Variants in SET observed in about 807,000 individuals in gnomAD.
The protein encoded by SET is SET nuclear proto-oncogene.
In SET, 4 loss-of-function variants were observed where a neutral mutation model predicts 39.0. That is an observed-to-expected ratio of 0.10 (90% confidence interval 0.05 to 0.23). The LOEUF (loss-of-function observed/expected upper bound fraction) is 0.23. Ranked by LOEUF, SET falls within the 10% of genes least tolerant of loss-of-function variation. SET has a pLI of 1.00. For missense variants in SET, 137 were observed against 329.7 expected, an observed-to-expected ratio of 0.42 and a Z score of 4.53; for synonymous variants, 114 against 115.9, an observed-to-expected ratio of 0.98 and a Z score of 0.11.
rs66941404 is a variant in SET at position 128,694,239 on chromosome 9, GTTT to G, written c.810+204_810+206del. Among the ~76,000 whole-genome samples, 7 of 146,944 alleles carry G rather than the reference GTTT, an allele frequency of 4.8e-5. No homozygotes were observed. The South Asian group carries it at 6.4e-4, about 13-fold the overall frequency. On this transcript the variant is annotated intron_variant, in intron 7 of 7. Transcript: ENST00000322030. ...CTAATGTTTAACTAGGTTTTTTTTG[GTTT>G]TTTTTTGGGTTTTTTTGGTTAGACT...
rs1861593219 is a variant in SET at position 128,692,710 on chromosome 9, C to T, written c.323C>T (p.Thr108Ile). The change falls in exon 4 of 8, where the codon ACC (threonine) becomes ATC (isoleucine). Residue 108 changes from threonine (T) to isoleucine (I), a missense_variant. Around this residue, in one of 3 missense-constraint regions of SET, gnomAD observed 59 missense variants for 237.2 expected, o/e 0.25. Coordinates refer to ENST00000322030, the MANE Select transcript of SET (RefSeq NM_003011.4). Reference sequence around the variant, plus strand: ...GATGAAGAGGCACTGCATTATTTGACCAGAGTTGAAGTGACAGAATTTGAA... The same window carrying T: ...GATGAAGAGGCACTGCATTATTTGATCAGAGTTGAAGTGACAGAATTTGAA... Reference protein sequence around the residue: ...EEDEEALHYLTRVEVTEFEDI... With the variant: ...EEDEEALHYLIRVEVTEFEDI... 1 of 1,612,256 alleles carries T rather than the reference C, an allele frequency of 6.2e-7. No individual in the cohort carries two copies. The highest frequency in any genetic ancestry group is 1.7e-5 in the Admixed American group (1 of 59,978).
At chr9:128,691,811 A>G in intron 2 of SET, 47 bp from the exon 3 acceptor site, 1 of 1,551,652 alleles carries the variant, frequency 6.4e-7, no homozygotes, top group Non-Finnish European at 8.7e-7. Flanking sequence ...CAATTTTTTA[A>G]TTTGTTAAAT....
At chr9:128,688,917 G>A (rs1861381219), upstream of SET, among the ~76,000 whole-genome samples, 1 of 151,922 alleles carries the variant, frequency 6.6e-6, no homozygotes, top group Non-Finnish European at 1.5e-5. Context: ...GAAGCCGCTC[G>A]CTCACCACGT....
Position 128,689,627 on chromosome 9 carries a change from C to T in SET, c.45C>T (p.Ser15=). 5 of 1,358,286 alleles carry T rather than the reference C, an allele frequency of 3.7e-6. No individual in the cohort carries two copies. Among genetic ancestry groups the T allele is most frequent in the Non-Finnish European group, 4.8e-6 (5 of 1,033,594 alleles). 84.1% of individuals were successfully genotyped at this position (1,358,286 alleles called of 1,614,324 possible). ...AAKVSKKELN[S]NHDGADETSE... ...AAGTCAGTAAAAAGGAGCTCAACTC[C>T]AACCACGACGGGGCCGACGAGACCT... Residue 15 remains serine, a synonymous_variant, in exon 1 of 8, where the codon TCC becomes TCT. Coordinates refer to ENST00000322030, the MANE Select transcript of SET (RefSeq NM_003011.4).
In SET at chr9:128,689,390, T is replaced by C. The variant is rs1861411693; in HGVS notation, c.-193T>C. The C allele has an allele frequency of 1.1e-6, 1 of 905,632 alleles. No homozygotes were observed. 56.1% of individuals were successfully genotyped at this position (905,632 alleles called of 1,614,324 possible). ...GGGCCCGGCACGCCGCCCCAGCCCG[T>C]CCCTCGGCGTCAGGCCGCGAGGGTA... On this transcript the variant is annotated 5_prime_UTR_variant, in exon 1 of 8. Transcript: ENST00000322030.
At position 128,696,353 on chromosome 9, in the gene SET, C is replaced by G. The variant is rs1861740522; in HGVS notation, c.*1689C>G. 5.4e-6 allele frequency: 1 copy of G among 184,072 alleles called. No homozygotes were observed. The highest frequency in any genetic ancestry group is 2.3e-5 in the African/African-American group (1 of 42,634). The allele number at this position is 184,072 out of a possible 1,614,324, so 11.4% of individuals were successfully genotyped here. Reference sequence around the variant, plus strand: ...AGTAAATACATCACTGTATACCGATCAGGAATCTTGCTCCAATAAAGGAAC... The same window carrying G: ...AGTAAATACATCACTGTATACCGATGAGGAATCTTGCTCCAATAAAGGAAC... On this transcript the variant is annotated 3_prime_UTR_variant, in exon 8 of 8. Transcript: ENST00000322030.
Position 128,693,010 on chromosome 9 carries a change from A to G in SET, c.492+29A>G, listed in dbSNP as rs754597492. 2.1e-6 allele frequency: 3 copies of G among 1,438,638 alleles called. No homozygotes were observed. In the South Asian group the frequency reaches 3.6e-5, roughly 17 times the overall value. 89.1% of individuals were successfully genotyped at this position (1,438,638 alleles called of 1,614,324 possible). On this transcript the variant is annotated intron_variant, in intron 5 of 7. Coordinates refer to ENST00000322030, the MANE Select transcript of SET (RefSeq NM_003011.4). ...TGTTTTGAGGAATTATTTGACAAAA[A>G]TAGCATTTTGCCTATTTCAGTTTAG...
intron 1 of SET, chr9:128,690,939 C>T (rs1688190898): frequency 3.5e-6 from 2 of 577,950 alleles, no homozygotes; most frequent in Non-Finnish European, 6.2e-6. Context: ...TTTAAAAAGG[C>T]GCTATAGAAA....
In SET at chr9:128,695,439, T is replaced by C. The variant is rs1469188008; in HGVS notation, c.*775T>C. On this transcript the variant is annotated 3_prime_UTR_variant, in exon 8 of 8. Transcript: ENST00000322030. ...TGTTCCTGTTTATTTTTAAATTTTC[T>C]TTTTGTTTCACTGGAAAGGAAAGAT... 4.5e-6 allele frequency: 1 copy of C among 222,062 alleles called. No individual in the cohort carries two copies. Among genetic ancestry groups the C allele is most frequent in the Non-Finnish European group, 9.2e-6 (1 of 108,590 alleles). 13.8% of individuals were successfully genotyped at this position (222,062 alleles called of 1,614,324 possible).
rs768067245 is a variant in SET at position 128,693,952 on chromosome 9, AGAG to A, written c.726_728del (p.Glu243del). The A allele has an allele frequency of 1.9e-6, 3 of 1,548,232 alleles. No homozygotes were observed. The highest frequency in any genetic ancestry group is 2.2e-5 in the East Asian group (1 of 44,514). ...GAGAAGAAGATGATGATGATGATGAAGAGGAGGAAGGATTAGAAGATATTGACG... is the reference window on the plus strand; with the variant it reads ...GAGAAGAAGATGATGATGATGATGAAGAGGAAGGATTAGAAGATATTGACG... On this transcript the variant is annotated inframe_deletion, in exon 7 of 8. Coordinates refer to ENST00000322030, the MANE Select transcript of SET (RefSeq NM_003011.4).
intron 5 of SET, among the ~76,000 whole-genome samples, 164 bp from the exon 6 acceptor site, chr9:128,693,473 AC>A (rs1861617342): frequency 4.6e-5 from 7 of 152,214 alleles, no homozygotes; most frequent in Admixed American, 4.6e-4. Context: ...TACTACCTCT[AC>A]CTGCTGCACA....
Position 128,689,480 on chromosome 9 carries a change from G to C in SET, c.-103G>C. 3.5e-5 allele frequency: 22 copies of C among 636,298 alleles called. No homozygotes were observed. The highest frequency in any genetic ancestry group is 4.8e-5 in the Non-Finnish European group (22 of 461,140). The allele number at this position is 636,298 out of a possible 1,614,324, so 39.4% of individuals were successfully genotyped here. On this transcript the variant is annotated 5_prime_UTR_variant, in exon 1 of 8. Transcript: ENST00000322030. ...CGCCGGGAGGAGGCGGCCGGACCGA[G>C]CGGGCGCCCGCGCGTGTGGCGTGAG... is the stretch of plus-strand genomic sequence containing the variant.
chr9:128,690,048 C>T (rs1861464473), intron 1 of SET: 13 of 981,024 alleles, frequency 1.3e-5, no homozygotes, highest in Non-Finnish European at 1.6e-5. Context: ...CGCGGCCCCG[C>T]GCCCGACCTC....
At chr9:128,685,025 C>T (rs996545384), upstream of SET, 4 of 1,479,800 alleles carry the variant, frequency 2.7e-6, no homozygotes, top group Non-Finnish European at 3.6e-6. Flanking sequence ...GTGGATAGGC[C>T]CAGGGCCTGC....
intron 2 of SET, among the ~76,000 whole-genome samples, chr9:128,691,458 C>G (rs946394160): frequency 6.6e-6 from 1 of 152,342 alleles, no homozygotes; most frequent in Admixed American, 6.5e-5. Context: ...TGAAAATTGT[C>G]TGAATTGCAG....
chr9:128,691,212 AAAATG>A lies in SET; in HGVS notation c.121_125del (p.Glu41ArgfsTer4), dbSNP rs1861522809. 6.2e-7 allele frequency: 1 copy of A among 1,601,790 alleles called. No homozygotes were observed. Among genetic ancestry groups the A allele is most frequent in the African/African-American group, 1.3e-5 (1 of 74,496 alleles). ...GCGATTGAACACATTGATGAAGTAC[AAAATG>A]AAATAGACAGGTAACATTTTTCTTA... On this transcript the variant is annotated frameshift_variant, in exon 2 of 8. Transcript: ENST00000322030. LOFTEE classifies it high-confidence loss of function.
intron 1 of SET, chr9:128,690,483 C>T (rs1861488632): frequency 6.5e-6 from 1 of 153,096 alleles, no homozygotes. Flanking sequence ...TTCCAGAGCA[C>T]ACCCCCTTTT....
upstream of SET, among the ~76,000 whole-genome samples, chr9:128,685,985 C>T (rs1861271296): frequency 6.6e-6 from 1 of 151,826 alleles, no homozygotes; most frequent in Non-Finnish European, 1.5e-5. Flanking sequence ...CGAGTTCGTG[C>T]CATTGCACTC....
At position 128,693,154 on chromosome 9, in the gene SET, A is replaced by G. The variant is rs76800746; in HGVS notation, c.492+173A>G. ...TACAGTAGTTTAGGGTTCTCATTAG[A>G]TACTACAGATGTAGGCAGGAAGATC... On this transcript the variant is annotated intron_variant, in intron 5 of 7. Transcript: ENST00000322030. Among the ~76,000 whole-genome samples, 455 of 152,312 alleles carry G rather than the reference A, an allele frequency of 3.0e-3. 7 individuals are homozygous for G. In the East Asian group the frequency reaches 0.034, roughly 11 times the overall value.
Sources: gnomAD v4.1 joint callset for allele counts (sites outside exome capture counted in the v4.1 genomes callset) on GRCh38, gnomAD v4.1.1 for gene constraint, gnomAD v4.1.1 regional missense constraint, MANE v1.5 for transcripts, NCBI Gene and HGNC (gene_info 2026-07-23, HGNC 2026-07-21) for gene names.